Variants in ERBB2 observed in about 807,000 individuals in gnomAD.
ERBB2 encodes the protein receptor tyrosine-protein kinase erbB-2.
In ERBB2, 61 loss-of-function variants were observed where a neutral mutation model predicts 149.0. That is an observed-to-expected ratio of 0.41 (90% CI 0.33 to 0.51). The LOEUF is 0.51. Ranked by LOEUF, ERBB2 falls within the 20% of genes least tolerant of loss-of-function variation. The probability of loss-of-function intolerance (pLI) is 0.25; values close to 1 mark genes in which losing one functional copy is unlikely to be tolerated. For synonymous variants in ERBB2, 633 were observed against 678.8 expected, an observed-to-expected ratio of 0.93 and a Z score of 1.05; for missense variants, 1,205 against 1,655.1, an observed-to-expected ratio of 0.73 and a Z score of 4.72.
upstream of ERBB2, among the ~76,000 whole-genome samples, chr17:39,695,679 G>C (rs1024593790): frequency 1.3e-4 from 19 of 143,082 alleles, no homozygotes; most frequent in African/African-American, 4.7e-4. Flanking sequence ...GAAGTAGGTA[G>C]AGGGAGGAGA....
upstream of ERBB2, among the ~76,000 whole-genome samples, chr17:39,695,704 TACACACACACACACACACACACAC>T (rs56249643): frequency 9.3e-5 from 9 of 96,562 alleles, no homozygotes; most frequent in Non-Finnish European, 1.2e-4. Flanking sequence ...GGTGCATGCA[TACACACACACACACACACACACAC>T]ACACACACAC....
intron 4 of ERBB2, 47 bp from the exon 5 acceptor site, chr17:39,709,766 C>A: frequency 6.5e-7 from 1 of 1,546,898 alleles, no homozygotes; most frequent in Non-Finnish European, 8.9e-7. Flanking sequence ...CCCGTCCTCT[C>A]GCTGTTAGAC....
upstream of ERBB2, among the ~76,000 whole-genome samples, chr17:39,697,739 G>A (rs1199208326): frequency 2.0e-5 from 3 of 151,832 alleles, no homozygotes; most frequent in African/African-American, 7.3e-5. Context: ...TGTCACCCAG[G>A]CTGGAGTGCA....
In ERBB2 at chr17:39,716,381, A is replaced by C. The variant is rs777363214; in HGVS notation, c.1594A>C (p.Ser532Arg). The C allele has an allele frequency of 1.2e-6, 2 of 1,608,944 alleles. No homozygotes were observed. Among genetic ancestry groups the C allele is most frequent in the South Asian group, 2.2e-5 (2 of 90,776 alleles). Residue 532 changes from serine (S) to arginine (R), a missense_variant, in exon 13 of 27, where the codon AGC becomes CGC. Around this residue, in one of 6 missense-constraint regions of ERBB2, gnomAD observed 569 missense variants for 803.5 expected, o/e 0.71. Coordinates refer to ENST00000269571, the MANE Select transcript of ERBB2 (RefSeq NM_004448.4). ...AGGGCCCACCCAGTGTGTCAACTGC[A>C]GCCAGTTCCTTCGGGGCCAGGAGTG... ...GPGPTQCVNC[S>R]QFLRGQECVE...
At position 39,723,405 on chromosome 17, in the gene ERBB2, G is replaced by A. The variant is rs1057519862; in HGVS notation, c.2033G>A (p.Arg678Gln). ...GTCTTTGGGATCCTCATCAAGCGACGGCAGCAGAAGATCCGGAAGTACACG... is the reference window on the plus strand; with the variant it reads ...GTCTTTGGGATCCTCATCAAGCGACAGCAGCAGAAGATCCGGAAGTACACG... ...GVVFGILIKR[R>Q]QQKIRKYTMR... Residue 678 changes from arginine to glutamine, a missense_variant, in exon 17 of 27, where the codon CGG (arginine) becomes CAG (glutamine). By Grantham distance (43) the Arg-to-Gln change is conservative. Coordinates refer to ENST00000269571, the MANE Select transcript of ERBB2 (RefSeq NM_004448.4). The surrounding 1 kb of genome is among the most constrained non-coding windows in gnomAD (Gnocchi z 6.2). 1 of 1,614,138 alleles carries A rather than the reference G, an allele frequency of 6.2e-7. No individual in the cohort carries two copies. The highest frequency in any genetic ancestry group is 8.5e-7 in the Non-Finnish European group (1 of 1,180,028).
intron 14 of ERBB2, 148 bp downstream of exon 14, chr17:39,716,753 GA>G: frequency 1.4e-6 from 1 of 733,596 alleles, no homozygotes; most frequent in East Asian, 2.7e-5. Context: ...AACAGCAACA[GA>G]GTGGCAGAAA....
chr17:39,722,331 C>G (rs966809620), intron 16 of ERBB2, among the ~76,000 whole-genome samples: 2 of 152,040 alleles, frequency 1.3e-5, no homozygotes, highest in East Asian at 3.9e-4. Context: ...AGTGAGACCC[C>G]ATTTCTACAA....
intron 1 of ERBB2, 43 bp from the exon 2 acceptor site, chr17:39,706,947 T>A (rs185387920): frequency 1.4e-6 from 2 of 1,474,894 alleles, no homozygotes; most frequent in East Asian, 5.2e-5. Context: ...TCTGAGAAGG[T>A]CCCCCGCCAG....
intron 1 of ERBB2, among the ~76,000 whole-genome samples, chr17:39,705,686 G>A (rs2058382932): frequency 6.6e-6 from 1 of 152,156 alleles, no homozygotes; most frequent in Admixed American, 6.5e-5. Context: ...CTGGGGGCTT[G>A]CCCTACCAGC....
In ERBB2 at chr17:39,709,484, C is replaced by T. The variant is rs756185767; in HGVS notation, c.574+32C>T. 3.1e-6 allele frequency: 5 copies of T among 1,612,566 alleles called. No individual in the cohort carries two copies. In the South Asian group the frequency reaches 3.3e-5, roughly 11 times the overall value. On this transcript the variant is annotated intron_variant, in intron 4 of 26. Transcript: ENST00000269571. ...CATGCCCCTCCCTGCTGCCTCTTCTCTCAGACAGCCTGACCCCAGCCGCAA... is the reference window on the plus strand; with the variant it reads ...CATGCCCCTCCCTGCTGCCTCTTCTTTCAGACAGCCTGACCCCAGCCGCAA...
At chr17:39,719,134 G>A (rs961714100) in intron 15 of ERBB2, among the ~76,000 whole-genome samples, 8 of 152,102 alleles carry the variant, frequency 5.3e-5, no homozygotes, top group East Asian at 1.9e-4. Flanking sequence ...GGTGGTGGGC[G>A]CCTGTAATCC....
Position 39,725,368 on chromosome 17 carries a change from G to A in ERBB2, c.2691G>A (p.Arg897=), listed in dbSNP as rs2145875792. ...KWMALESILR[R]RFTHQSDVWS... is the part of the protein sequence containing the mutation. ...TGGCGCTGGAGTCCATTCTCCGCCGGCGGTTCACCCACCAGAGTGATGTGT... is the reference window on the plus strand; with the variant it reads ...TGGCGCTGGAGTCCATTCTCCGCCGACGGTTCACCCACCAGAGTGATGTGT... The change falls in exon 22 of 27, where the codon CGG becomes CGA. Residue 897 remains arginine (R), a synonymous_variant. Coordinates refer to ENST00000269571, the MANE Select transcript of ERBB2 (RefSeq NM_004448.4). The surrounding 1 kb of genome is among the most constrained non-coding windows in gnomAD (Gnocchi z 4.6). 6.2e-7 allele frequency: 1 copy of A among 1,614,044 alleles called. No individual in the cohort carries two copies. Among genetic ancestry groups the A allele is most frequent in the Non-Finnish European group, 8.5e-7 (1 of 1,180,010 alleles).
intron 2 of ERBB2, chr17:39,708,079 G>C (rs1017692618): frequency 2.2e-5 from 10 of 460,506 alleles, no homozygotes; most frequent in Non-Finnish European, 3.9e-5. Flanking sequence ...AGAGAGGGCA[G>C]GGCACCTGTT....
upstream of ERBB2, among the ~76,000 whole-genome samples, chr17:39,693,033 GCCTGGGCA>G (rs2057748163): frequency 6.6e-6 from 1 of 152,170 alleles, no homozygotes; most frequent in Non-Finnish European, 1.5e-5. Context: ...CTGCACTCCA[GCCTGGGCA>G]ACAGAGCAAG....
chr17:39,702,294 G>A (rs537534859), intron 1 of ERBB2, among the ~76,000 whole-genome samples: 11 of 152,206 alleles, frequency 7.2e-5, no homozygotes, highest in African/African-American at 2.4e-4. Context: ...GTGAGACTCC[G>A]TTTCAGAAAA....
chr17:39,724,722 C>T lies in ERBB2; in HGVS notation c.2308-4C>T, dbSNP rs779261228. On this transcript the variant is annotated splice_region_variant and splice_polypyrimidine_tract_variant and intron_variant, in intron 19 of 26. Transcript: ENST00000269571. ...ATACCCTCTCAGCGTACCCTTGTCC[C>T]CAGGAAGCATACGTGATGGCTGGTG... 6.2e-7 allele frequency: 1 copy of T among 1,613,858 alleles called. No homozygotes were observed. The highest frequency in any genetic ancestry group is 2.2e-5 in the East Asian group (1 of 44,872).
chr17:39,727,427 C>A lies in ERBB2; in HGVS notation c.3292C>A (p.Leu1098Met), dbSNP rs2143247176. The change falls in exon 26 of 27, where the codon CTG (leucine) becomes ATG (methionine). Residue 1098 changes from leucine to methionine, a missense_variant. By Grantham distance (15) the Leu-to-Met change is conservative. This residue lies in a region of ERBB2 where 312 missense variants were observed against 343.8 expected (regional missense o/e 0.91). Transcript: ENST00000269571. This position sits in a 1 kb window ranked among gnomAD's most constrained non-coding sequence, Gnocchi z 4.3. ...GDLGMGAAKG[L>M]QSLPTHDPSP... ...CCTGGGAATGGGGGCAGCCAAGGGG[C>A]TGCAAAGCCTCCCCACACATGACCC... The A allele has an allele frequency of 6.2e-7, 1 of 1,611,678 alleles. No individual in the cohort carries two copies. Among genetic ancestry groups the A allele is most frequent in the Non-Finnish European group, 8.5e-7 (1 of 1,179,164 alleles).
chr17:39,711,703 T>C (rs958489666), intron 7 of ERBB2, among the ~76,000 whole-genome samples: 11 of 152,210 alleles, frequency 7.2e-5, no homozygotes, highest in African/African-American at 2.7e-4. Flanking sequence ...CCTTGAATAA[T>C]TTACAGAACT....
Position 39,726,991 on chromosome 17 carries a change from C to G in ERBB2, c.3147C>G (p.Ser1049Arg). The change falls in exon 25 of 27, where the codon AGC becomes AGG. Residue 1049 changes from serine (S) to arginine (R), a missense_variant. Physicochemically the swap from Ser to Arg is moderately radical, Grantham distance 110 (BLOSUM62 -1). Coordinates refer to ENST00000269571, the MANE Select transcript of ERBB2 (RefSeq NM_004448.4). The surrounding 1 kb of genome is among the most constrained non-coding windows in gnomAD (Gnocchi z 5.1). ...AGGMVHHRHR[S>R]SSTRSGGGDL... ...GCATGGTCCACCACAGGCACCGCAG[C>G]TCATCTACCAGGGTCAGTGCCCTCG... 6.2e-7 allele frequency: 1 copy of G among 1,600,360 alleles called. No individual in the cohort carries two copies. Among genetic ancestry groups the G allele is most frequent in the Non-Finnish European group, 8.5e-7 (1 of 1,174,300 alleles).
Sources: gnomAD v4.1 joint callset for allele counts (sites outside exome capture counted in the v4.1 genomes callset) on GRCh38, gnomAD v4.1.1 for gene constraint, gnomAD v4.1.1 regional missense constraint, Gnocchi (gnomAD v3.1) non-coding constraint, MANE v1.5 for transcripts, NCBI Gene and HGNC (gene_info 2026-07-23, HGNC 2026-07-21) for gene names.